CTNNA2: variants seen among roughly 807,000 people sequenced by gnomAD.
The protein encoded by CTNNA2 is catenin alpha-2.
In CTNNA2, 42 loss-of-function variants were observed where a neutral mutation model predicts 101.0. The ratio of observed to expected loss-of-function variants is 0.42; its 90% CI spans 0.32 to 0.54. The LOEUF is 0.54. Ranked by LOEUF, CTNNA2 falls within the 20% of genes least tolerant of loss-of-function variation. The pLI, the probability that CTNNA2 is intolerant of heterozygous loss-of-function variation, is 0.14. For synonymous variants in CTNNA2, 450 were observed against 456.4 expected (o/e 0.99, Z 0.18); for missense variants, 871 against 1,223.1 (o/e 0.71, Z 4.29).
At chr2:79,947,808 G>GC (rs1361838749) in intron 7 of CTNNA2, among the ~76,000 whole-genome samples, 10 of 152,120 alleles carry the variant, frequency 6.6e-5, no homozygotes, top group African/African-American at 2.4e-4. Context: ...TGGTGTAAGT[G>GC]CCCCAAAGAA....
chr2:80,431,361 C>A (rs1023849163), intron 9 of CTNNA2, among the ~76,000 whole-genome samples: 6 of 152,130 alleles, frequency 3.9e-5, no homozygotes, highest in African/African-American at 1.4e-4. Context: ...ACCCCTACTG[C>A]TGTGTGTGTG....
intron 7 of CTNNA2, among the ~76,000 whole-genome samples, chr2:80,312,910 T>C (rs190404699): frequency 2.0e-5 from 3 of 152,356 alleles, no homozygotes; most frequent in South Asian, 4.1e-4. Flanking sequence ...CACATAGCAC[T>C]AGTAAATATG....
At chr2:79,926,783 C>A (rs1346192593) in intron 7 of CTNNA2, among the ~76,000 whole-genome samples, 1 of 151,336 alleles carries the variant, frequency 6.6e-6, no homozygotes, top group Non-Finnish European at 1.5e-5. Context: ...GGGAGTTATA[C>A]TAGATACAAC....
intron 1 of CTNNA2, among the ~76,000 whole-genome samples, chr2:79,639,416 A>G (rs1173285833): frequency 6.6e-6 from 1 of 152,206 alleles, no homozygotes; most frequent in Non-Finnish European, 1.5e-5. Context: ...ATGGGATTGC[A>G]CTTTTTGGCT....
intron 9 of CTNNA2, among the ~76,000 whole-genome samples, chr2:80,427,146 T>A (rs1681068440): frequency 6.6e-6 from 1 of 152,020 alleles, no homozygotes; most frequent in African/African-American, 2.4e-5. Context: ...GAGAATAAAA[T>A]AATAAATGTA....
intron 7 of CTNNA2, among the ~76,000 whole-genome samples, chr2:80,201,301 A>G (rs2149016371): frequency 6.6e-6 from 1 of 152,014 alleles, no homozygotes; most frequent in South Asian, 2.1e-4. Context: ...AAAATGAGGC[A>G]AATCAGTCTT....
intron 1 of CTNNA2, among the ~76,000 whole-genome samples, chr2:79,534,656 T>C (rs1672946270): frequency 6.6e-6 from 1 of 152,118 alleles, no homozygotes; most frequent in South Asian, 2.1e-4. Context: ...ATATTTATTC[T>C]AGTACTGATA....
At chr2:79,436,200 G>C (rs1365938939) in intron 4 of CTNNA2, among the ~76,000 whole-genome samples, 1 of 152,190 alleles carries the variant, frequency 6.6e-6, no homozygotes, top group Non-Finnish European at 1.5e-5. Context: ...AACTGAAATG[G>C]TAGAACTTGG....
At position 79,484,055 on chromosome 2, in the gene CTNNA2, C is replaced by T. The variant is rs201254472; in HGVS notation, c.-134-20999C>T. ...CCCAGGAATTCAAGATCAGCCTGGG[C>T]CACGAGGCAAAACCCTATCTCTATA... On this transcript the variant is annotated intron_variant, in intron 4 of 21. Transcript: ENST00000466387. Among the ~76,000 whole-genome samples the T allele has an allele frequency of 3.9e-5, 6 of 152,058 alleles. No homozygotes were observed. The East Asian group carries it at 9.7e-4, about 25-fold the overall frequency.
chr2:80,002,773 G>A lies in CTNNA2; in HGVS notation c.1056+92976G>A, dbSNP rs527649171. 6.6e-5 allele frequency among the ~76,000 whole-genome samples: 10 copies of A among 152,238 alleles called. No homozygotes were observed. In the South Asian group the frequency reaches 1.9e-3, roughly 28 times the overall value. On this transcript the variant is annotated intron_variant, in intron 7 of 18. Transcript: ENST00000402739. ...ATTCCTGACCATCAGACTCTGCAGA[G>A]CTGTGCCTTCCACGCTCATCACTGA...
chr2:79,227,183 G>T (rs1298698377), intron 2 of CTNNA2, among the ~76,000 whole-genome samples: 1 of 152,000 alleles, frequency 6.6e-6, no homozygotes, highest in Non-Finnish European at 1.5e-5. Context: ...GACAGGGATT[G>T]GAAAAAAAGG....
At chr2:79,747,053 C>A (rs1313001473) in intron 3 of CTNNA2, among the ~76,000 whole-genome samples, 2 of 152,198 alleles carry the variant, frequency 1.3e-5, no homozygotes, top group African/African-American at 4.8e-5. Context: ...AACACCAACC[C>A]TCCTTCCACA....
chr2:79,735,918 A>G (rs1670840868), intron 2 of CTNNA2, among the ~76,000 whole-genome samples: 1 of 152,192 alleles, frequency 6.6e-6, no homozygotes, highest in African/African-American at 2.4e-5. Flanking sequence ...TGCATCATTA[A>G]AAGATCATTG....
chr2:79,388,364 C>T (rs988610809), intron 4 of CTNNA2, among the ~76,000 whole-genome samples: 8 of 152,092 alleles, frequency 5.3e-5, no homozygotes, highest in Non-Finnish European at 8.8e-5. Flanking sequence ...TTTTTGTTAT[C>T]GATTCGCTGG....
At chr2:79,462,557 C>T (rs928864057) in intron 4 of CTNNA2, among the ~76,000 whole-genome samples, 10 of 152,104 alleles carry the variant, frequency 6.6e-5, no homozygotes, top group African/African-American at 9.7e-5. Context: ...CCAGAGTATA[C>T]GACACAAAAA....
chr2:80,225,579 C>A (rs560452798), intron 7 of CTNNA2, among the ~76,000 whole-genome samples: 1 of 152,246 alleles, frequency 6.6e-6, no homozygotes, highest in South Asian at 2.1e-4. Flanking sequence ...TTTTTGAAAA[C>A]ATTCTCCATT....
At chr2:80,325,890 T>TA (rs1327544949) in intron 7 of CTNNA2, among the ~76,000 whole-genome samples, 1 of 152,196 alleles carries the variant, frequency 6.6e-6, no homozygotes, top group Non-Finnish European at 1.5e-5. Context: ...CCCAGAGTAG[T>TA]AAAGTGATTG....
At chr2:80,043,908 A>AGT (rs931994769) in intron 7 of CTNNA2, among the ~76,000 whole-genome samples, 1 of 152,100 alleles carries the variant, frequency 6.6e-6, no homozygotes, top group Non-Finnish European at 1.5e-5. Context: ...GGTGTATGTG[A>AGT]GTGTGTGTGT....
chr2:80,249,363 C>G (rs1344943188), intron 7 of CTNNA2, among the ~76,000 whole-genome samples: 2 of 152,178 alleles, frequency 1.3e-5, no homozygotes, highest in Non-Finnish European at 2.9e-5. Context: ...ATTCAGGCCT[C>G]CTTACTTCCC....
Sources: gnomAD v4.1 joint callset for allele counts (sites outside exome capture counted in the v4.1 genomes callset) on GRCh38, gnomAD v4.1.1 for gene constraint, MANE v1.5 for transcripts, NCBI Gene and HGNC (gene_info 2026-07-23, HGNC 2026-07-21) for gene names.